KIF13A: variants seen among roughly 807,000 people sequenced by gnomAD.
KIF13A encodes the protein kinesin family member 13A.
In KIF13A, 79 loss-of-function variants were observed where a neutral mutation model predicts 212.2. The observed-to-expected ratio is 0.37, with a 90% CI of 0.31 to 0.45. KIF13A has a LOEUF of 0.45. Among genes scored for constraint, KIF13A ranks in the 20% least tolerant of loss-of-function variants. The pLI is 1.00. For missense variants in KIF13A, 1,901 were observed against 2,209.0 expected, an observed-to-expected ratio of 0.86 and a Z score of 2.79; for synonymous variants, 789 against 808.6, an observed-to-expected ratio of 0.98 and a Z score of 0.41.
chr6:17,964,966 C>T (rs1779170877), intron 2 of KIF13A, among the ~76,000 whole-genome samples: 1 of 151,906 alleles, frequency 6.6e-6, no homozygotes, highest in Non-Finnish European at 1.5e-5. Context: ...GGATTACAAG[C>T]GCCTGCCACC....
intron 25 of KIF13A, among the ~76,000 whole-genome samples, chr6:17,792,842 A>C (rs147407101): frequency 1.0e-3 from 154 of 152,340 alleles, no homozygotes; most frequent in African/African-American, 3.3e-3. Flanking sequence ...GAAAGCCAGG[A>C]AGCCAAAAGG....
rs149506693 is a variant in KIF13A, at chr6:17,844,000, G to T, written c.830+5377C>A. 6.7e-6 allele frequency among the ~76,000 whole-genome samples: 1 copy of T among 150,354 alleles called. No homozygotes were observed. On this transcript the variant is annotated intron_variant, in intron 9 of 38. Coordinates refer to ENST00000259711, the MANE Select transcript of KIF13A (RefSeq NM_022113.6). The surrounding 1 kb of genome is among the most constrained non-coding windows in gnomAD (Gnocchi z 5.3). ...ATGGAGGTCGCAGTGAGCCGAGATC[G>T]TGCCACTGTACTCCAGCCTGGGTGA... is the stretch of plus-strand genomic sequence containing the variant.
chr6:17,773,407 G>T lies in KIF13A; in HGVS notation c.4324+71C>A. 2 of 864,674 alleles carry T rather than the reference G, an allele frequency of 2.3e-6. No homozygotes were observed. Among genetic ancestry groups the T allele is most frequent in the East Asian group, 2.5e-5 (1 of 40,674 alleles). The allele number at this position is 864,674 out of a possible 1,614,324, so 53.6% of individuals were successfully genotyped here. ...TCATATCTTATTATATGCCATTAAT[G>T]AAAGACATTTTTTCATACTTTTTCT... On this transcript the variant is annotated intron_variant, in intron 36 of 38. Transcript: ENST00000259711. The surrounding 1 kb of genome is among the most constrained non-coding windows in gnomAD (Gnocchi z 4.2).
chr6:17,807,335 A>G (rs969185185), intron 18 of KIF13A, among the ~76,000 whole-genome samples: 1 of 152,116 alleles, frequency 6.6e-6, no homozygotes, highest in African/African-American at 2.4e-5. Context: ...ATTAATATTA[A>G]TACCCTGGGA....
chr6:17,829,326 A>C lies in KIF13A; in HGVS notation c.1402-956T>G, dbSNP rs1054946058. On this transcript the variant is annotated intron_variant, in intron 13 of 38. Transcript: ENST00000259711. The surrounding 1 kb of genome is among the most constrained non-coding windows in gnomAD (Gnocchi z 5.4). The stretch of plus-strand genomic sequence containing the variant: ...TGTCTCATAGACTCCGGAAAACTCC[A>C]CCAATACATGCGTGATAAAATGAGA... 8.5e-5 allele frequency among the ~76,000 whole-genome samples: 13 copies of C among 152,224 alleles called. No homozygotes were observed. The highest frequency in any genetic ancestry group is 1.5e-4 in the Non-Finnish European group (10 of 68,036).
chr6:17,850,574 G>A lies in KIF13A; in HGVS notation c.583-117C>T. On this transcript the variant is annotated intron_variant, in intron 7 of 38. Transcript: ENST00000259711. This position sits in a 1 kb window ranked among gnomAD's most constrained non-coding sequence, Gnocchi z 6.2. ...ATGCCTTTGTCACCACCCTTCCATA[G>A]AAACCTCCCTGCCGCTCCTCCATTG... is the stretch of plus-strand genomic sequence containing the variant. 1.0e-6 allele frequency: 1 copy of A among 1,000,648 alleles called. No homozygotes were observed. Among genetic ancestry groups the A allele is most frequent in the Non-Finnish European group, 1.4e-6 (1 of 714,252 alleles). The allele number at this position is 1,000,648 out of a possible 1,614,324, so 62.0% of individuals were successfully genotyped here.
Position 17,763,880 on chromosome 6 carries a change from CT to C in KIF13A, c.*229del. 7.1e-7 allele frequency: 1 copy of C among 1,398,684 alleles called. No individual in the cohort carries two copies. Among genetic ancestry groups the C allele is most frequent in the Non-Finnish European group, 9.3e-7 (1 of 1,079,116 alleles). The allele number at this position is 1,398,684 out of a possible 1,614,324, so 86.6% of individuals were successfully genotyped here. On this transcript the variant is annotated 3_prime_UTR_variant, in exon 39 of 39. Coordinates refer to ENST00000259711, the MANE Select transcript of KIF13A (RefSeq NM_022113.6). The stretch of plus-strand genomic sequence containing the variant: ...AGATTGATCCTTATCCATCTGAACA[CT>C]TCATTCAACACCAACCCATGTGCCA...
intron 2 of KIF13A, among the ~76,000 whole-genome samples, chr6:17,925,552 T>C (rs1208657021): frequency 1.3e-5 from 2 of 152,188 alleles, no homozygotes. Context: ...CATCATCACT[T>C]TGAAGGCACA....
chr6:17,888,405 C>G lies in KIF13A; in HGVS notation c.159+9763G>C, dbSNP rs748247601. ...GCATTTGACTGGGTAATGAAACAAG[C>G]AAAAGCCTTAGGAAGTATACTGGTG... On this transcript the variant is annotated intron_variant, in intron 3 of 38. Coordinates refer to ENST00000259711, the MANE Select transcript of KIF13A (RefSeq NM_022113.6). The surrounding 1 kb of genome is among the most constrained non-coding windows in gnomAD (Gnocchi z 4.8). Among the ~76,000 whole-genome samples, 3 of 152,088 alleles carry G rather than the reference C, an allele frequency of 2.0e-5. No individual in the cohort carries two copies. Among genetic ancestry groups the G allele is most frequent in the Non-Finnish European group, 4.4e-5 (3 of 68,012 alleles).
chr6:17,874,564 G>A lies in KIF13A; in HGVS notation c.160-1127C>T, dbSNP rs148314731. Among the ~76,000 whole-genome samples, 851 of 152,144 alleles carry A rather than the reference G, an allele frequency of 5.6e-3. 13 individuals carry two copies. Among genetic ancestry groups the A allele is most frequent in the African/African-American group, 0.019 (790 of 41,480 alleles). On this transcript the variant is annotated intron_variant, in intron 3 of 38. Transcript: ENST00000259711. ...AATTCTCCTGCCTTCAGCCTCCTGGGTAGCTGGGACTACAGGTGCTCGCCA... is the reference window on the plus strand; with the variant it reads ...AATTCTCCTGCCTTCAGCCTCCTGGATAGCTGGGACTACAGGTGCTCGCCA...
At chr6:17,924,551 G>A (rs983014716) in intron 2 of KIF13A, among the ~76,000 whole-genome samples, 1 of 152,136 alleles carries the variant, frequency 6.6e-6, no homozygotes, top group Non-Finnish European at 1.5e-5. Flanking sequence ...AAAATGAAAT[G>A]TCTATAAGCA....
Position 17,764,035 on chromosome 6 carries a change from A to C in KIF13A, c.*75T>G. Reference sequence around the variant, plus strand: ...TCTGTGGGCTCATCTTTGCTGTCACAAACAACTGGATGAATCTTTCCTACC... The same window carrying C: ...TCTGTGGGCTCATCTTTGCTGTCACCAACAACTGGATGAATCTTTCCTACC... On this transcript the variant is annotated 3_prime_UTR_variant, in exon 39 of 39. Transcript: ENST00000259711. The surrounding 1 kb of genome is among the most constrained non-coding windows in gnomAD (Gnocchi z 5.1). 1 of 1,519,852 alleles carries C rather than the reference A, an allele frequency of 6.6e-7. No homozygotes were observed. Among genetic ancestry groups the C allele is most frequent in the Admixed American group, 2.1e-5 (1 of 46,826 alleles). 94.1% of individuals were successfully genotyped at this position (1,519,852 alleles called of 1,614,324 possible). A position where few individuals can be genotyped will look rare whatever the true frequency, so the allele number is the denominator to read the frequency against.
chr6:17,775,514 ATCAAATCTT>A, intron 34 of KIF13A, among the ~76,000 whole-genome samples: 1 of 152,238 alleles, frequency 6.6e-6, no homozygotes, highest in East Asian at 1.9e-4. Flanking sequence ...GAATCAGCTT[ATCAAATCTT>A]ACAAAAAATT....
intron 25 of KIF13A, among the ~76,000 whole-genome samples, chr6:17,793,052 A>AT (rs746108353): frequency 2.1e-4 from 32 of 150,736 alleles, no homozygotes; most frequent in East Asian, 9.7e-4. Context: ...AAGCACACAC[A>AT]TTTTTTTTTA....
At chr6:17,906,731 G>T (rs150570504) in intron 2 of KIF13A, among the ~76,000 whole-genome samples, 1 of 152,022 alleles carries the variant, frequency 6.6e-6, no homozygotes, top group Non-Finnish European at 1.5e-5. Context: ...GAGATTACAC[G>T]CATTAGCTAC....
Position 17,799,310 on chromosome 6 carries a change from G to C in KIF13A, c.2746C>G (p.Gln916Glu). 6.2e-7 allele frequency: 1 copy of C among 1,613,408 alleles called. No homozygotes were observed. Among genetic ancestry groups the C allele is most frequent in the Non-Finnish European group, 8.5e-7 (1 of 1,179,610 alleles). The part of the protein sequence containing the change: ...PVVDPEVPSP[Q>E]SKDAQYTVTF... ...ACTGTGTACTGGGCATCCTTGGACT[G>C]TGGTGAAGGCACCTCGGGGTCCACC... Residue 916 changes from glutamine to glutamate, a missense_variant, in exon 22 of 39, where the codon CAG becomes GAG. Physicochemically the swap from Gln to Glu is conservative, Grantham distance 29. This residue lies in a region of KIF13A where 534 missense variants were observed against 536.9 expected (regional missense o/e 0.99). Transcript: ENST00000259711. The surrounding 1 kb of genome is among the most constrained non-coding windows in gnomAD (Gnocchi z 4.4).
At chr6:17,957,040 C>T (rs950384515) in intron 2 of KIF13A, among the ~76,000 whole-genome samples, 8 of 152,130 alleles carry the variant, frequency 5.3e-5, no homozygotes, top group Admixed American at 4.6e-4. Flanking sequence ...ACCACCATGC[C>T]TGGCTAATTT....
At chr6:17,814,783 G>A (rs1763778917) in intron 17 of KIF13A, among the ~76,000 whole-genome samples, 1 of 152,184 alleles carries the variant, frequency 6.6e-6, no homozygotes, top group Non-Finnish European at 1.5e-5. Flanking sequence ...GTCTTCAATA[G>A]CCTATTGTCC....
chr6:17,950,340 AAG>A (rs1474150703), intron 2 of KIF13A: 8 of 902,188 alleles, frequency 8.9e-6, no homozygotes, highest in Non-Finnish European at 1.1e-5. Flanking sequence ...AAACAAATCT[AAG>A]CACAAACCTT....
Sources: gnomAD v4.1 joint callset for allele counts (sites outside exome capture counted in the v4.1 genomes callset) on GRCh38, gnomAD v4.1.1 for gene constraint, gnomAD v4.1.1 regional missense constraint, Gnocchi (gnomAD v3.1) non-coding constraint, MANE v1.5 for transcripts, NCBI Gene and HGNC (gene_info 2026-07-23, HGNC 2026-07-21) for gene names.